The following DNAAF11 variants were observed in gnomAD, a reference collection of about 807,000 sequenced individuals.
DNAAF11 encodes leucine rich repeat containing 6.
DNAAF11 carries 45 observed loss-of-function variants against 60.8 expected under a neutral mutation model. The observed-to-expected ratio is 0.74, with a 90% CI of 0.58 to 0.95. The LOEUF (loss-of-function observed/expected upper bound fraction) is 0.95. DNAAF11 is among the 40% of genes least tolerant of loss of function. DNAAF11 has a pLI of 0.00. For missense variants in DNAAF11, 546 were observed against 546.2 expected (o/e 1.00, Z 0.00); for synonymous variants, 191 against 183.5 (o/e 1.04, Z -0.33).
chr8:132,608,162 G>C (rs964342137), intron 10 of DNAAF11, among the ~76,000 whole-genome samples: 1 of 151,882 alleles, frequency 6.6e-6, no homozygotes. Flanking sequence ...TGAAAAAGAC[G>C]ACAAATTTTC....
intron 1 of DNAAF11, among the ~76,000 whole-genome samples, chr8:132,666,842 G>A (rs1028110679): frequency 1.3e-5 from 2 of 152,144 alleles, no homozygotes; most frequent in Non-Finnish European, 2.9e-5. Context: ...TCATGTGGGT[G>A]GTCAGGGATA....
chr8:132,598,752 A>T (rs893205850), intron 10 of DNAAF11, among the ~76,000 whole-genome samples: 1 of 152,212 alleles, frequency 6.6e-6, no homozygotes, highest in African/African-American at 2.4e-5. Flanking sequence ...ACATACCAGA[A>T]TCTGTGGGAC....
chr8:132,583,464 G>A (rs1251165793), intron 11 of DNAAF11, among the ~76,000 whole-genome samples: 3 of 152,100 alleles, frequency 2.0e-5, no homozygotes, highest in African/African-American at 4.8e-5. Flanking sequence ...ATTACCAGTC[G>A]TTATATTATG....
chr8:132,664,544 TGCTGCA>T (rs1192590022), intron 1 of DNAAF11, among the ~76,000 whole-genome samples: 1 of 152,148 alleles, frequency 6.6e-6, no homozygotes, highest in Non-Finnish European at 1.5e-5. Flanking sequence ...GATTACAGTT[TGCTGCA>T]GCCCAGGATC....
At chr8:132,574,732 G>A (rs1001348631) in intron 11 of DNAAF11, among the ~76,000 whole-genome samples, 15 of 152,114 alleles carry the variant, frequency 9.9e-5, no homozygotes, top group Admixed American at 9.2e-4. Context: ...GGGGACCCTC[G>A]ACACACTGCC....
chr8:132,571,882 A>C lies in DNAAF11; in HGVS notation c.*424T>G, dbSNP rs945516798. The C allele has an allele frequency of 3.9e-5, 6 of 153,952 alleles. No individual in the cohort carries two copies. Among genetic ancestry groups the C allele is most frequent in the African/African-American group, 9.6e-5 (4 of 41,534 alleles). The allele number at this position is 153,952 out of a possible 1,614,324, so 9.5% of individuals were successfully genotyped here. ...GACACATCATGGGAAGGAAAATGGA[A>C]ATGCTGTTTAAAATCATATTAAAGT... On this transcript the variant is annotated 3_prime_UTR_variant, in exon 12 of 12. Transcript: ENST00000620350.
At chr8:132,648,584 A>T (rs766799778) in intron 3 of DNAAF11, among the ~76,000 whole-genome samples, 4 of 152,248 alleles carry the variant, frequency 2.6e-5, no homozygotes, top group African/African-American at 4.8e-5. Flanking sequence ...CTGTGTGCAG[A>T]TGACATGATT....
At chr8:132,603,449 G>C (rs993736916) in intron 10 of DNAAF11, among the ~76,000 whole-genome samples, 2 of 152,114 alleles carry the variant, frequency 1.3e-5, no homozygotes, top group African/African-American at 4.8e-5. Flanking sequence ...TGTATTGAAA[G>C]CCAAGTGAGC....
chr8:132,650,786 A>G (rs1822933181), intron 3 of DNAAF11, among the ~76,000 whole-genome samples: 1 of 151,852 alleles, frequency 6.6e-6, no homozygotes, highest in Middle Eastern at 3.2e-3. Flanking sequence ...GCTCCGGAAG[A>G]CATTTTAATT....
At chr8:132,659,860 T>G (rs965061108) in intron 2 of DNAAF11, among the ~76,000 whole-genome samples, 1 of 152,108 alleles carries the variant, frequency 6.6e-6, no homozygotes, top group Admixed American at 6.5e-5. Flanking sequence ...CACTGTAGGA[T>G]GGTTTGCAGT....
intron 11 of DNAAF11, among the ~76,000 whole-genome samples, chr8:132,579,212 T>G (rs1269507531): frequency 1.3e-5 from 2 of 152,178 alleles, no homozygotes; most frequent in African/African-American, 4.8e-5. Context: ...CCAGAATATT[T>G]TCCTAGGCAG....
rs182431586 is a variant in DNAAF11, at chr8:132,588,784, T to A, written c.1141-5005A>T. Among the ~76,000 whole-genome samples, 56 of 152,196 alleles carry A rather than the reference T, an allele frequency of 3.7e-4. No homozygotes were observed. The East Asian group carries it at 0.01, about 27-fold the overall frequency. On this transcript the variant is annotated intron_variant, in intron 10 of 11. Coordinates refer to ENST00000620350, the MANE Select transcript of DNAAF11 (RefSeq NM_012472.6). ...GGCTCTGCAGACCATGTAGGAAACATGGTGGCATCGGCTTCTGGGAAGGCC... is the reference window on the plus strand; with the variant it reads ...GGCTCTGCAGACCATGTAGGAAACAAGGTGGCATCGGCTTCTGGGAAGGCC...
At chr8:132,578,170 C>T (rs1042469226) in intron 11 of DNAAF11, among the ~76,000 whole-genome samples, 1 of 152,060 alleles carries the variant, frequency 6.6e-6, no homozygotes, top group African/African-American at 2.4e-5. Flanking sequence ...TGGCCTACCT[C>T]ATTTCCCAGT....
rs1818516873 is a variant in DNAAF11 at position 132,610,215 on chromosome 8, G to C, written c.1091C>G (p.Ser364Cys). The change falls in exon 10 of 12, where the codon TCT becomes TGT. Residue 364 changes from serine to cysteine, a missense_variant. By Grantham distance (112) the Ser-to-Cys change is moderately radical. Coordinates refer to ENST00000620350, the MANE Select transcript of DNAAF11 (RefSeq NM_012472.6). ...ACCCGTTGTCTGAGATCTTTTAGCA[G>C]AACTACTATCGGGTTTCACTTCTGC... ...LPAEVKPDSS[S>C]AKRSQTTGHL... is the part of the protein sequence containing the mutation. The C allele has an allele frequency of 6.2e-7, 1 of 1,613,856 alleles. No individual in the cohort carries two copies. The highest frequency in any genetic ancestry group is 1.3e-5 in the African/African-American group (1 of 74,894).
chr8:132,599,598 T>C (rs1353834765), intron 10 of DNAAF11, among the ~76,000 whole-genome samples: 1 of 152,186 alleles, frequency 6.6e-6, no homozygotes, highest in East Asian at 1.9e-4. Flanking sequence ...GCTTCATCCC[T>C]GGGATGCAAG....
At chr8:132,679,306 A>G (rs1825831724), upstream of DNAAF11, among the ~76,000 whole-genome samples, 1 of 152,140 alleles carries the variant, frequency 6.6e-6, no homozygotes, top group Admixed American at 6.5e-5. Context: ...CTCAGTAAAT[A>G]TTTGTTGAAT....
At chr8:132,617,892 A>G (rs1398668467) in intron 7 of DNAAF11, among the ~76,000 whole-genome samples, 2 of 150,212 alleles carry the variant, frequency 1.3e-5, no homozygotes, top group African/African-American at 2.5e-5. Flanking sequence ...TACAGATTCA[A>G]TGCCATCCCC....
At chr8:132,636,870 C>G (rs1224922808) in intron 4 of DNAAF11, among the ~76,000 whole-genome samples, 1 of 152,118 alleles carries the variant, frequency 6.6e-6, no homozygotes, top group Non-Finnish European at 1.5e-5. Flanking sequence ...TTCCATTAAT[C>G]CAGCAGTCAG....
chr8:132,593,144 A>G (rs1220590071), intron 10 of DNAAF11, among the ~76,000 whole-genome samples: 1 of 151,716 alleles, frequency 6.6e-6, no homozygotes, highest in African/African-American at 2.4e-5. Flanking sequence ...AAAGGAGTAC[A>G]TGATTATATA....
Sources: gnomAD v4.1 joint callset for allele counts (sites outside exome capture counted in the v4.1 genomes callset) on GRCh38, gnomAD v4.1.1 for gene constraint, MANE v1.5 for transcripts, NCBI Gene and HGNC (gene_info 2026-07-23, HGNC 2026-07-21) for gene names.